Variants in MTMR2 observed in about 807,000 individuals in gnomAD.
The protein encoded by MTMR2 is phosphatidylinositol-3,5-bisphosphate 3-phosphatase MTMR2.
A neutral mutation model predicts 86.9 loss-of-function variants in MTMR2; 55 were observed. The ratio of observed to expected loss-of-function variants is 0.63; its 90% CI spans 0.51 to 0.79. The LOEUF (loss-of-function observed/expected upper bound fraction) is 0.79, where lower values mean the gene tolerates loss of function less well. Ranked by LOEUF, MTMR2 falls within the 30% of genes least tolerant of loss-of-function variation. The pLI is 0.00. For synonymous variants in MTMR2, 241 were observed against 266.8 expected, an observed-to-expected ratio of 0.90 and a Z score of 0.94; for missense variants, 659 against 772.3, an observed-to-expected ratio of 0.85 and a Z score of 1.74.
chr11:95,867,927 AG>A (rs1265235430), intron 2 of MTMR2, among the ~76,000 whole-genome samples: 1 of 152,156 alleles, frequency 6.6e-6, no homozygotes, highest in African/African-American at 2.4e-5. Context: ...AGCATGTATA[AG>A]GTACTTGGCA....
chr11:95,866,902 A>C (rs1352512829), intron 2 of MTMR2, among the ~76,000 whole-genome samples: 1 of 151,912 alleles, frequency 6.6e-6, no homozygotes, highest in Non-Finnish European at 1.5e-5. Context: ...CATTTTCCGC[A>C]TCTATAAAAT....
intron 2 of MTMR2, among the ~76,000 whole-genome samples, chr11:95,872,623 T>C (rs1366293924): frequency 3.3e-5 from 5 of 152,204 alleles, no homozygotes; most frequent in African/African-American, 1.2e-4. Context: ...CCTGCCTGAT[T>C]GCCCTGGCCA....
intron 12 of MTMR2, among the ~76,000 whole-genome samples, chr11:95,839,535 G>C (rs1322425571): frequency 6.6e-6 from 1 of 152,078 alleles, no homozygotes; most frequent in East Asian, 1.9e-4. Flanking sequence ...AAGTAAAATA[G>C]CAGGGCATTA....
At chr11:95,837,935 A>G (rs1182455738) in intron 13 of MTMR2, among the ~76,000 whole-genome samples, 159 bp downstream of exon 13, 1 of 152,094 alleles carries the variant, frequency 6.6e-6, no homozygotes, top group African/African-American at 2.4e-5. Flanking sequence ...AGAATATATC[A>G]GGTCCAGATA....
At chr11:95,910,089 TTAAATA>T (rs1250082209) in intron 1 of MTMR2, among the ~76,000 whole-genome samples, 1 of 146,428 alleles carries the variant, frequency 6.8e-6, no homozygotes, top group Non-Finnish European at 1.5e-5. Flanking sequence ...AGAAATTTTT[TTAAATA>T]TAAACACACA....
chr11:95,842,773 G>A (rs1565346833), intron 11 of MTMR2, among the ~76,000 whole-genome samples: 1 of 152,190 alleles, frequency 6.6e-6, no homozygotes, highest in Non-Finnish European at 1.5e-5. Context: ...ATCAAGCAGG[G>A]CAATGCTTAT....
rs137906078 is a variant in MTMR2 at position 95,888,172 on chromosome 11, A to T, written c.170T>A (p.Phe57Tyr). The change falls in exon 2 of 15, where the codon TTT becomes TAT. Residue 57 changes from phenylalanine (F) to tyrosine (Y), a missense_variant. Physicochemically the swap from Phe to Tyr is conservative, Grantham distance 22. This residue lies in a region of MTMR2 where 387 missense variants were observed against 526.3 expected (regional missense o/e 0.74). Transcript: ENST00000346299. Reference sequence around the variant, plus strand: ...TATACATACCCTCAAATCAGGAGAAAAGTTGTCGGCAGAAGTTGAAATGGA... The same window carrying T: ...TATACATACCCTCAAATCAGGAGAATAGTTGTCGGCAGAAGTTGAAATGGA... ...SDSISTSADN[F>Y]SPDLRVLRES... is the part of the protein sequence containing the mutation. 1 of 1,612,382 alleles carries T rather than the reference A, an allele frequency of 6.2e-7. No homozygotes were observed. The highest frequency in any genetic ancestry group is 8.5e-7 in the Non-Finnish European group (1 of 1,178,670).
intron 1 of MTMR2, 69 bp from the exon 2 acceptor site, chr11:95,888,330 T>C: frequency 1.0e-6 from 1 of 984,116 alleles, no homozygotes; most frequent in Non-Finnish European, 1.6e-6. Context: ...GACATTGTAT[T>C]TAATATAACT....
rs540118942 is a variant in MTMR2, at chr11:95,856,541, C to CA, written c.654+1010dup. 4.8e-3 allele frequency among the ~76,000 whole-genome samples: 606 copies of CA among 126,518 alleles called. 2 individuals are homozygous for CA. The highest frequency in any genetic ancestry group is 0.01 in the East Asian group (46 of 4,578). The allele number at this position is 126,518 out of a possible 152,430, so 83.0% of individuals were successfully genotyped here. ...ACTCAGAGACAGTTTCTCATGCTGC[C>CA]AAAAAAAAAAAAGCCAACAAATTCA... On this transcript the variant is annotated intron_variant, in intron 7 of 14. Transcript: ENST00000346299.
chr11:95,882,981 C>T (rs918897475), intron 2 of MTMR2, among the ~76,000 whole-genome samples: 2 of 143,938 alleles, frequency 1.4e-5, no homozygotes, highest in African/African-American at 5.3e-5. Context: ...CTCCTGACCT[C>T]GTGATCCGCC....
chr11:95,895,124 C>T (rs1591031572), intron 1 of MTMR2, among the ~76,000 whole-genome samples: 1 of 145,446 alleles, frequency 6.9e-6, no homozygotes, highest in Non-Finnish European at 1.5e-5. Context: ...ACAAGCATAT[C>T]AATAATACCA....
At position 95,833,604 on chromosome 11, in the gene MTMR2, G is replaced by A. The variant is rs993485998; in HGVS notation, c.*1686C>T. On this transcript the variant is annotated 3_prime_UTR_variant, in exon 15 of 15. Coordinates refer to ENST00000346299, the MANE Select transcript of MTMR2 (RefSeq NM_016156.6). ...TGGCTTTTGATTTGAATTTGAAGTG[G>A]ATGCAAGTATGTTAAGACTAGAAGC... The A allele has an allele frequency of 6.6e-6, 1 of 152,054 alleles. No homozygotes were observed. Among genetic ancestry groups the A allele is most frequent in the African/African-American group, 2.4e-5 (1 of 41,404 alleles). The allele number at this position is 152,054 out of a possible 1,614,324, so 9.4% of individuals were successfully genotyped here.
chr11:95,877,331 CCTTTTTTTTTTTTTTTTT>C (rs1865156912), intron 2 of MTMR2, among the ~76,000 whole-genome samples: 1 of 94,740 alleles, frequency 1.1e-5, no homozygotes, highest in African/African-American at 5.0e-5. Flanking sequence ...ACAGGGAAGC[CCTTTTTTTTTTTTTTTTT>C]TTTTTTTTTT....
chr11:95,887,952 T>C (rs1053761931), intron 2 of MTMR2, among the ~76,000 whole-genome samples: 5 of 152,202 alleles, frequency 3.3e-5, no homozygotes, highest in African/African-American at 1.2e-4. Flanking sequence ...TTAGAGGTGA[T>C]CAACCTCAGA....
rs1863117173 is a variant in MTMR2, at chr11:95,833,502, G to A, written c.*1788C>T. 6.6e-6 allele frequency: 1 copy of A among 152,054 alleles called. No homozygotes were observed. Among genetic ancestry groups the A allele is most frequent in the Non-Finnish European group, 1.5e-5 (1 of 67,986 alleles). 9.4% of individuals were successfully genotyped at this position (152,054 alleles called of 1,614,324 possible). On this transcript the variant is annotated 3_prime_UTR_variant, in exon 15 of 15. Coordinates refer to ENST00000346299, the MANE Select transcript of MTMR2 (RefSeq NM_016156.6). The stretch of plus-strand genomic sequence containing the variant: ...GCCCAAGTGCATGTACTCCATATTG[G>A]AGACTTCTGCAGAAGGTGAGGGGAA...
At chr11:95,844,846 A>G (rs1274649953) in intron 11 of MTMR2, 107 bp downstream of exon 11, 11 of 1,039,264 alleles carry the variant, frequency 1.1e-5, no homozygotes, top group Non-Finnish European at 1.6e-5. Context: ...ACCCCACTAG[A>G]TAAATGATCA....
At chr11:95,907,645 C>T (rs951907242) in intron 1 of MTMR2, among the ~76,000 whole-genome samples, 1 of 152,178 alleles carries the variant, frequency 6.6e-6, no homozygotes, top group African/African-American at 2.4e-5. Context: ...TCAAGCAGTG[C>T]ATCAAAAAGC....
At chr11:95,892,939 C>T (rs1865762193) in intron 1 of MTMR2, among the ~76,000 whole-genome samples, 1 of 152,082 alleles carries the variant, frequency 6.6e-6, no homozygotes, top group Non-Finnish European at 1.5e-5. Flanking sequence ...GTAACAACGC[C>T]CAAAGATGAA....
chr11:95,916,634 GC>G (rs1224336793), intron 1 of MTMR2, among the ~76,000 whole-genome samples: 2 of 150,038 alleles, frequency 1.3e-5, no homozygotes, highest in African/African-American at 2.5e-5. Context: ...GTTATGTGCT[GC>G]TAAACCTAAA....
Sources: gnomAD v4.1 joint callset for allele counts (sites outside exome capture counted in the v4.1 genomes callset) on GRCh38, gnomAD v4.1.1 for gene constraint, gnomAD v4.1.1 regional missense constraint, MANE v1.5 for transcripts, NCBI Gene and HGNC (gene_info 2026-07-23, HGNC 2026-07-21) for gene names.